Variants in NBEA observed in about 807,000 individuals in gnomAD.
NBEA encodes the protein lysosomal-trafficking regulator 2.
Under a neutral mutation model 343.4 loss-of-function variants are expected in NBEA, and 44 were observed. The ratio of observed to expected loss-of-function variants is 0.13; its 90% CI spans 0.10 to 0.16. NBEA has a LOEUF of 0.16. Among genes scored for constraint, NBEA ranks in the 10% least tolerant of loss-of-function variants. The pLI is 1.00. For missense variants in NBEA, 2,555 were observed against 3,631.3 expected, an observed-to-expected ratio of 0.70 and a Z score of 7.62; for synonymous variants, 1,175 against 1,238.7, an observed-to-expected ratio of 0.95 and a Z score of 1.08.
chr13:35,012,897 C>T (rs931101226), intron 1 of NBEA, among the ~76,000 whole-genome samples: 1 of 151,938 alleles, frequency 6.6e-6, no homozygotes, highest in East Asian at 1.9e-4. Flanking sequence ...TAAGAGACTG[C>T]TTAGGATATT....
In NBEA at chr13:35,155,861, C is replaced by T; in HGVS notation, c.2527+6C>T. On this transcript the variant is annotated splice_donor_region_variant and intron_variant, in intron 19 of 58. Transcript: ENST00000379939. ...AGTGAAAATTCAGAATCCAAGTGAG[C>T]AAATGGCAGTTCTTTACTGTATTGT... 2 of 1,606,806 alleles carry T rather than the reference C, an allele frequency of 1.2e-6. No individual in the cohort carries two copies. The highest frequency in any genetic ancestry group is 1.7e-6 in the Non-Finnish European group (2 of 1,173,474).
intron 38 of NBEA, among the ~76,000 whole-genome samples, chr13:35,416,465 A>G (rs1341049528): frequency 1.3e-5 from 2 of 152,132 alleles, no homozygotes; most frequent in Admixed American, 6.5e-5. Flanking sequence ...AATTTTGTCA[A>G]AGGCCTTTTC....
chr13:35,005,321 T>G (rs551952454), intron 1 of NBEA, among the ~76,000 whole-genome samples: 20 of 152,182 alleles, frequency 1.3e-4, no homozygotes, highest in Non-Finnish European at 2.8e-4. Context: ...TTTTCAAAGC[T>G]TGTGGTTCCT....
intron 40 of NBEA, among the ~76,000 whole-genome samples, chr13:35,462,476 C>T (rs892184436): frequency 8.5e-5 from 13 of 152,202 alleles, no homozygotes; most frequent in South Asian, 8.3e-4. Context: ...TTCTAAATTA[C>T]TTAGGTAGAA....
chr13:35,147,769 A>G (rs930513196), intron 18 of NBEA, among the ~76,000 whole-genome samples: 1 of 152,114 alleles, frequency 6.6e-6, no homozygotes, highest in Admixed American at 6.6e-5. Flanking sequence ...CTGGTTCCCC[A>G]TTTGGTTCCC....
Position 35,157,278 on chromosome 13 carries a change from G to T in NBEA, c.2844+8G>T, listed in dbSNP as rs753151715. The T allele has an allele frequency of 6.6e-7, 1 of 1,516,548 alleles. No individual in the cohort carries two copies. The highest frequency in any genetic ancestry group is 8.9e-7 in the Non-Finnish European group (1 of 1,129,024). 93.9% of individuals were successfully genotyped at this position (1,516,548 alleles called of 1,614,324 possible). ...TCAATAGCCCATTCCAAGGTAACAC[G>T]GGATTTAACATTTTAACATCATCAG... On this transcript the variant is annotated splice_region_variant and intron_variant, in intron 21 of 58. Transcript: ENST00000379939.
At chr13:35,212,688 G>C (rs767599255) in intron 33 of NBEA, among the ~76,000 whole-genome samples, 1 of 152,086 alleles carries the variant, frequency 6.6e-6, no homozygotes, top group Non-Finnish European at 1.5e-5. Context: ...ATCTTTGATA[G>C]GACTTAGTAT....
At chr13:35,203,011 C>T (rs181375004) in intron 31 of NBEA, among the ~76,000 whole-genome samples, 29 of 152,262 alleles carry the variant, frequency 1.9e-4, no homozygotes, top group South Asian at 6.2e-4. Context: ...TTTTACTTTG[C>T]TATTCCACTC....
At chr13:34,973,344 A>G (rs547713733) in intron 1 of NBEA, among the ~76,000 whole-genome samples, 1 of 152,084 alleles carries the variant, frequency 6.6e-6, no homozygotes, top group East Asian at 1.9e-4. Context: ...GTGCTGGGGT[A>G]CCACTTCTGC....
At chr13:35,464,143 A>G (rs528989121) in intron 40 of NBEA, among the ~76,000 whole-genome samples, 4 of 152,340 alleles carry the variant, frequency 2.6e-5, no homozygotes, top group African/African-American at 9.6e-5. Flanking sequence ...CGTATATTTA[A>G]CCATCTTCTC....
intron 40 of NBEA, among the ~76,000 whole-genome samples, chr13:35,468,753 T>G (rs1455027895): frequency 6.6e-6 from 1 of 152,130 alleles, no homozygotes; most frequent in Non-Finnish European, 1.5e-5. Context: ...CATTGACACA[T>G]CCAATAACTT....
chr13:35,271,513 G>A lies in NBEA; in HGVS notation c.5777-18876G>A, dbSNP rs180895035. Reference sequence around the variant, plus strand: ...AAACTGGATGGAGAATGACTTTGACGAGTTGACAGAAGTAGGCTTCAGAAG... The same window carrying A: ...AAACTGGATGGAGAATGACTTTGACAAGTTGACAGAAGTAGGCTTCAGAAG... On this transcript the variant is annotated intron_variant, in intron 34 of 58. Coordinates refer to ENST00000379939, the MANE Select transcript of NBEA (RefSeq NM_001385012.1). 1.5e-3 allele frequency among the ~76,000 whole-genome samples: 230 copies of A among 152,280 alleles called. 1 individual carries two copies. Among genetic ancestry groups the A allele is most frequent in the African/African-American group, 5.4e-3 (224 of 41,566 alleles).
chr13:35,128,205 T>TGC (rs1362611689), intron 17 of NBEA, among the ~76,000 whole-genome samples: 1 of 151,658 alleles, frequency 6.6e-6, no homozygotes, highest in African/African-American at 2.4e-5. Flanking sequence ...CTGCACATTG[T>TGC]GCACATGTAC....
chr13:35,657,937 GA>G (rs2084897704), intron 55 of NBEA, among the ~76,000 whole-genome samples: 1 of 151,942 alleles, frequency 6.6e-6, no homozygotes, highest in African/African-American at 2.4e-5. Context: ...GAATATTAAA[GA>G]AAAATATTAA....
intron 36 of NBEA, among the ~76,000 whole-genome samples, chr13:35,321,214 TCA>T (rs1361826093): frequency 6.6e-6 from 1 of 152,188 alleles, no homozygotes; most frequent in African/African-American, 2.4e-5. Flanking sequence ...TGGTTTTTCC[TCA>T]TCTTCGTGGA....
intron 34 of NBEA, among the ~76,000 whole-genome samples, chr13:35,264,042 A>C (rs2033450767): frequency 6.6e-6 from 1 of 151,794 alleles, no homozygotes; most frequent in Non-Finnish European, 1.5e-5. Context: ...AAAAAAGAGA[A>C]GACTCAAATA....
At chr13:35,524,529 C>T (rs564743160) in intron 41 of NBEA, among the ~76,000 whole-genome samples, 1 of 152,156 alleles carries the variant, frequency 6.6e-6, no homozygotes, top group South Asian at 2.1e-4. Context: ...AGTTCCAAAT[C>T]AAATTCTGTG....
chr13:35,026,922 T>A (rs558729763), intron 1 of NBEA, among the ~76,000 whole-genome samples: 1 of 152,134 alleles, frequency 6.6e-6, no homozygotes, highest in Non-Finnish European at 1.5e-5. Context: ...TAACCCTAAC[T>A]CTTGGTAACT....
At chr13:35,282,180 G>A (rs1018573998) in intron 34 of NBEA, among the ~76,000 whole-genome samples, 12 of 151,968 alleles carry the variant, frequency 7.9e-5, no homozygotes, top group Non-Finnish European at 1.5e-4. Flanking sequence ...CCAAAGTGCT[G>A]GGATTACAGG....
Sources: gnomAD v4.1 joint callset for allele counts (sites outside exome capture counted in the v4.1 genomes callset) on GRCh38, gnomAD v4.1.1 for gene constraint, MANE v1.5 for transcripts, NCBI Gene and HGNC (gene_info 2026-07-23, HGNC 2026-07-21) for gene names.